Variants in ANO3 observed in about 807,000 individuals in gnomAD.
The protein encoded by ANO3 is anoctamin 3.
ANO3 carries 99 observed loss-of-function variants against 144.8 expected under a neutral mutation model. The ratio of observed to expected loss-of-function variants is 0.68; its 90% CI spans 0.58 to 0.81. ANO3 has a LOEUF of 0.81. Ranked by LOEUF, ANO3 falls within the 30% of genes least tolerant of loss-of-function variation. The probability of loss-of-function intolerance (pLI) is 0.00; values close to 1 mark genes in which losing one functional copy is unlikely to be tolerated. For synonymous variants in ANO3, 414 were observed against 392.6 expected (o/e 1.05, Z -0.64); for missense variants, 905 against 1,202.2 (o/e 0.75, Z 3.66).
At chr11:26,208,875 A>T (rs1431982028) in intron 1 of ANO3, among the ~76,000 whole-genome samples, 1 of 152,246 alleles carries the variant, frequency 6.6e-6, no homozygotes, top group Non-Finnish European at 1.5e-5. Flanking sequence ...CTGAAGGCAG[A>T]TAGCAGATCA....
chr11:26,386,487 C>T (rs1157416749), intron 1 of ANO3, among the ~76,000 whole-genome samples: 1 of 152,076 alleles, frequency 6.6e-6, no homozygotes. Context: ...AGTCAATTAC[C>T]AAATGAAAAG....
rs138079390 is a variant in ANO3 at position 26,506,427 on chromosome 11, C to A, written c.433-1677C>A. Among the ~76,000 whole-genome samples the A allele has an allele frequency of 2.7e-3, 405 of 152,208 alleles. 1 individual carries two copies. Among genetic ancestry groups the A allele is most frequent in the African/African-American group, 9.2e-3 (383 of 41,522 alleles). On this transcript the variant is annotated intron_variant, in intron 4 of 26. Transcript: ENST00000256737. The stretch of plus-strand genomic sequence containing the variant: ...TTCATGAGTTATGACAATTAAATAA[C>A]CTTATGAAGCACTTGGCACAATGCA...
intron 10 of ANO3, among the ~76,000 whole-genome samples, chr11:26,540,849 G>A (rs1400054350): frequency 6.6e-6 from 1 of 152,140 alleles, no homozygotes; most frequent in Non-Finnish European, 1.5e-5. Flanking sequence ...TTGTTGGTGG[G>A]AGTGTAAATT....
At chr11:26,492,033 G>A (rs564776086) in intron 4 of ANO3, among the ~76,000 whole-genome samples, 1 of 152,138 alleles carries the variant, frequency 6.6e-6, no homozygotes. Flanking sequence ...TAAGGACAAG[G>A]GTTCCCCTGT....
intron 14 of ANO3, among the ~76,000 whole-genome samples, chr11:26,579,755 G>T (rs1328450912): frequency 1.3e-5 from 2 of 152,084 alleles, no homozygotes; most frequent in Admixed American, 1.3e-4. Context: ...TCCAGTTAAA[G>T]TTGTTATGAA....
intron 7 of ANO3, among the ~76,000 whole-genome samples, chr11:26,530,109 G>T (rs1223411498): frequency 6.6e-6 from 1 of 152,132 alleles, no homozygotes; most frequent in African/African-American, 2.4e-5. Flanking sequence ...AATCTTAAAA[G>T]TCCTGCAAAG....
chr11:26,596,151 G>C (rs1247770777), intron 14 of ANO3, among the ~76,000 whole-genome samples: 1 of 151,546 alleles, frequency 6.6e-6, no homozygotes, highest in African/African-American at 2.4e-5. Flanking sequence ...AGGGCACACT[G>C]TTTTTCCTTT....
At chr11:26,561,953 C>T (rs1377038581) in intron 14 of ANO3, among the ~76,000 whole-genome samples, 1 of 151,796 alleles carries the variant, frequency 6.6e-6, no homozygotes, top group Non-Finnish European at 1.5e-5. Context: ...CTACTTATTC[C>T]TGTAGCCATC....
intron 17 of ANO3, among the ~76,000 whole-genome samples, chr11:26,610,421 T>C (rs1437691094): frequency 1.3e-5 from 2 of 152,120 alleles, no homozygotes; most frequent in Non-Finnish European, 2.9e-5. Context: ...TTGTTGTTAT[T>C]TAAGTCCCTA....
intron 1 of ANO3, among the ~76,000 whole-genome samples, chr11:26,400,880 A>G (rs1442227931): frequency 1.3e-5 from 2 of 151,744 alleles, no homozygotes; most frequent in African/African-American, 2.4e-5. Context: ...ACACAAACAT[A>G]TATATATAAA....
At chr11:26,625,180 C>G (rs932888830) in intron 18 of ANO3, among the ~76,000 whole-genome samples, 1 of 152,228 alleles carries the variant, frequency 6.6e-6, no homozygotes, top group Non-Finnish European at 1.5e-5. Flanking sequence ...CCGCCTCGGC[C>G]TCCCAAAATG....
At chr11:26,646,309 G>GA (rs1331854382) in intron 23 of ANO3, among the ~76,000 whole-genome samples, 1 of 151,756 alleles carries the variant, frequency 6.6e-6, no homozygotes, top group East Asian at 1.9e-4. Context: ...CTATAAGCAG[G>GA]AATAAACATA....
At chr11:26,533,547 GCT>G (rs1159415360) in intron 8 of ANO3, among the ~76,000 whole-genome samples, 11 of 152,078 alleles carry the variant, frequency 7.2e-5, no homozygotes, top group Admixed American at 5.9e-4. Flanking sequence ...ATTTAATGAT[GCT>G]TGTAGAGGAA....
chr11:26,416,500 C>T lies in ANO3; in HGVS notation c.47-25418C>T, dbSNP rs370723200. Among the ~76,000 whole-genome samples, 11 of 151,498 alleles carry T rather than the reference C, an allele frequency of 7.3e-5. No homozygotes were observed. The South Asian group carries it at 1.7e-3, about 23-fold the overall frequency. ...GGAGTGCAGTGGCAAGATCTTGGCT[C>T]ACTGCAACCTCCTCCTCCCAGGTTC... On this transcript the variant is annotated intron_variant, in intron 1 of 26. Transcript: ENST00000256737.
At chr11:26,461,697 T>C (rs954647359) in intron 3 of ANO3, among the ~76,000 whole-genome samples, 7 of 152,062 alleles carry the variant, frequency 4.6e-5, no homozygotes, top group South Asian at 2.1e-4. Flanking sequence ...TTCACAAGCA[T>C]GCGCTTTGGA....
At chr11:26,360,429 A>C (rs1248515060) in intron 1 of ANO3, among the ~76,000 whole-genome samples, 1 of 152,122 alleles carries the variant, frequency 6.6e-6, no homozygotes, top group African/African-American at 2.4e-5. Context: ...GGGGAAGTAG[A>C]AAATACAAAG....
chr11:26,314,016 C>A (rs1854565929), intron 1 of ANO3, among the ~76,000 whole-genome samples: 1 of 151,918 alleles, frequency 6.6e-6, no homozygotes, highest in African/African-American at 2.4e-5. Context: ...TAATAAAAGG[C>A]AATACATGTT....
chr11:26,573,686 A>G (rs1475626816), intron 14 of ANO3, among the ~76,000 whole-genome samples: 1 of 152,024 alleles, frequency 6.6e-6, no homozygotes, highest in Non-Finnish European at 1.5e-5. Flanking sequence ...AAGTCCCGCT[A>G]ATTTCTCATG....
In ANO3 at chr11:26,662,066, TTA is replaced by T. The variant is rs1270807074; in HGVS notation, c.*1624_*1625del. ...ATATGCCAGTATTTCTCTAGTAAGA[TTA>T]TGTTTCTCTTACTAGAAAACTATTT... On this transcript the variant is annotated 3_prime_UTR_variant, in exon 27 of 27. Transcript: ENST00000256737. 2.6e-5 allele frequency: 4 copies of T among 152,218 alleles called. No homozygotes were observed. In the East Asian group the frequency reaches 7.7e-4, roughly 29 times the overall value. 9.4% of individuals were successfully genotyped at this position (152,218 alleles called of 1,614,324 possible).
Sources: allele counts gnomAD v4.1 joint callset (sites outside exome capture counted in the v4.1 genomes callset), GRCh38; gene constraint gnomAD v4.1.1; transcripts MANE v1.5; gene names NCBI Gene and HGNC (gene_info 2026-07-23, HGNC 2026-07-21).